The following RUNX3 variants were observed in gnomAD, a reference collection of about 807,000 sequenced individuals.
The protein encoded by RUNX3 is RUNX family transcription factor 3.
RUNX3 carries 10 observed loss-of-function variants against 27.7 expected under a neutral mutation model. That is an observed-to-expected ratio of 0.36 (90% CI 0.22 to 0.61). RUNX3 has a LOEUF of 0.61. Among genes scored for constraint, RUNX3 ranks in the 20% least tolerant of loss-of-function variants. The pLI, the probability that RUNX3 is intolerant of heterozygous loss-of-function variation, is 0.72. For synonymous variants in RUNX3, 270 were observed against 269.2 expected (o/e 1.00, Z -0.03); for missense variants, 469 against 629.5 (o/e 0.75, Z 2.73).
At chr1:24,932,243 C>T (rs1479360963), upstream of RUNX3, among the ~76,000 whole-genome samples, 1 of 150,856 alleles carries the variant, frequency 6.6e-6, no homozygotes, top group East Asian at 2.0e-4. Flanking sequence ...GGCCCTGGCA[C>T]CTGGCGCAGG....
intron 2 of RUNX3, among the ~76,000 whole-genome samples, chr1:24,951,221 A>T (rs949857039): frequency 3.3e-5 from 5 of 150,838 alleles, no homozygotes; most frequent in East Asian, 1.9e-4. Flanking sequence ...AAAAAAAAAA[A>T]AATAAGGCAG....
chr1:24,931,482 C>A (rs778226694), upstream of RUNX3, among the ~76,000 whole-genome samples: 2 of 152,236 alleles, frequency 1.3e-5, no homozygotes, highest in African/African-American at 2.4e-5. Flanking sequence ...AAGCCACAAT[C>A]ATTCCGAATT....
chr1:24,901,195 T>C lies in RUNX3; in HGVS notation c.*927A>G, dbSNP rs937885011. 6 of 151,728 alleles carry C rather than the reference T, an allele frequency of 4.0e-5. No homozygotes were observed. The highest frequency in any genetic ancestry group is 2.6e-4 in the Admixed American group (4 of 15,240). The allele number at this position is 151,728 out of a possible 1,614,324, so 9.4% of individuals were successfully genotyped here. The stretch of plus-strand genomic sequence containing the variant: ...GACCCAGGGGGGACAGGGACATTGA[T>C]GTCTGACCCAAAATGATCCCTCACC... On this transcript the variant is annotated 3_prime_UTR_variant, in exon 5 of 5. Coordinates refer to ENST00000308873, the MANE Select transcript of RUNX3 (RefSeq NM_004350.3).
chr1:24,912,953 T>C (rs1412768217), intron 3 of RUNX3, among the ~76,000 whole-genome samples: 1 of 152,070 alleles, frequency 6.6e-6, no homozygotes, highest in Non-Finnish European at 1.5e-5. Flanking sequence ...GAGAGGAAGA[T>C]GAGAAGGTCT....
chr1:24,906,716 G>T (rs1367888601), intron 4 of RUNX3, among the ~76,000 whole-genome samples: 1 of 152,354 alleles, frequency 6.6e-6, no homozygotes, highest in East Asian at 1.9e-4. Context: ...CAGGGTGGGA[G>T]ACCTTTCCCA....
chr1:24,942,823 G>A (rs1441470104), intron 2 of RUNX3, among the ~76,000 whole-genome samples: 1 of 152,218 alleles, frequency 6.6e-6, no homozygotes, highest in African/African-American at 2.4e-5. Context: ...CTAATGCCAG[G>A]ACCTGACCCG....
intron 2 of RUNX3, among the ~76,000 whole-genome samples, chr1:24,925,822 T>C (rs1641088342): frequency 6.6e-6 from 1 of 152,056 alleles, no homozygotes; most frequent in Non-Finnish European, 1.5e-5. Flanking sequence ...AGAGCCACAG[T>C]CCCAGCCTCG....
intron 2 of RUNX3, among the ~76,000 whole-genome samples, chr1:24,959,839 G>A (rs926409011): frequency 2.0e-5 from 3 of 152,012 alleles, no homozygotes; most frequent in African/African-American, 7.3e-5. Context: ...AGGAGCTGCC[G>A]GCCAACTCCA....
At position 24,952,272 on chromosome 1, in the gene RUNX3, G is replaced by A. The variant is rs1235468221; in HGVS notation, c.58+12242C>T. On this transcript the variant is annotated intron_variant, in intron 2 of 6. Coordinates refer to the RUNX3 transcript ENST00000338888. The stretch of plus-strand genomic sequence containing the variant: ...ATGGTGGATCCAATAGCTCTCTCTA[G>A]AGCAGCTTTTCCAAAAGTGGACTTT... Among the ~76,000 whole-genome samples the A allele has an allele frequency of 2.0e-5, 3 of 152,118 alleles. No homozygotes were observed. The East Asian group carries it at 5.8e-4, about 29-fold the overall frequency.
intron 2 of RUNX3, among the ~76,000 whole-genome samples, chr1:24,942,807 G>A (rs893976495): frequency 7.2e-5 from 11 of 152,334 alleles, no homozygotes; most frequent in East Asian, 1.9e-4. Flanking sequence ...CAGCATCAGC[G>A]GTGCCCTAAT....
chr1:24,908,918 C>T (rs556986382), intron 3 of RUNX3, among the ~76,000 whole-genome samples: 3 of 152,310 alleles, frequency 2.0e-5, no homozygotes, highest in Non-Finnish European at 4.4e-5. Context: ...AAAATAACTC[C>T]ACCAGGATGC....
In RUNX3 at chr1:24,902,714, G is replaced by T; in HGVS notation, c.704-48C>A. On this transcript the variant is annotated intron_variant, in intron 4 of 4. Transcript: ENST00000308873. This position sits in a 1 kb window ranked among gnomAD's most constrained non-coding sequence, Gnocchi z 9.2. Reference sequence around the variant, plus strand: ...TCAGTTCCAGCTCGAGACAACCCCAGGAGGGCTTCCTGAAGAATGACCTTG... The same window carrying T: ...TCAGTTCCAGCTCGAGACAACCCCATGAGGGCTTCCTGAAGAATGACCTTG... The T allele has an allele frequency of 6.9e-7, 1 of 1,454,386 alleles. No homozygotes were observed. The highest frequency in any genetic ancestry group is 9.2e-7 in the Non-Finnish European group (1 of 1,089,696). The allele number at this position is 1,454,386 out of a possible 1,614,324, so 90.1% of individuals were successfully genotyped here.
Position 24,930,262 on chromosome 1 carries a change from C to T in RUNX3, c.-394G>A. On this transcript the variant is annotated 5_prime_UTR_variant, in exon 1 of 5. Transcript: ENST00000308873. This position sits in a 1 kb window ranked among gnomAD's most constrained non-coding sequence, Gnocchi z 4.1. Reference sequence around the variant, plus strand: ...CGGCCGCAGCCCCAGAACAAATCCTCCAGAATCAAGTGGCGGGGCCGCGGC... The same window carrying T: ...CGGCCGCAGCCCCAGAACAAATCCTTCAGAATCAAGTGGCGGGGCCGCGGC... 1 of 983,432 alleles carries T rather than the reference C, an allele frequency of 1.0e-6. No homozygotes were observed. Among genetic ancestry groups the T allele is most frequent in the Non-Finnish European group, 1.2e-6 (1 of 828,778 alleles). The allele number at this position is 983,432 out of a possible 1,614,324, so 60.9% of individuals were successfully genotyped here.
At chr1:24,944,801 C>T (rs187620773) in intron 2 of RUNX3, among the ~76,000 whole-genome samples, 128 of 152,328 alleles carry the variant, frequency 8.4e-4, no homozygotes, top group African/African-American at 2.9e-3. Flanking sequence ...GAAACAAATT[C>T]TCCACCAGAG....
At chr1:24,931,973 G>C (rs1054183964), upstream of RUNX3, among the ~76,000 whole-genome samples, 8 of 152,244 alleles carry the variant, frequency 5.3e-5, no homozygotes, top group Middle Eastern at 3.2e-3. Flanking sequence ...GATCCAGCCT[G>C]GGCGCTCCCA....
chr1:24,959,855 T>C (rs1483582028), intron 2 of RUNX3, among the ~76,000 whole-genome samples: 3 of 152,092 alleles, frequency 2.0e-5, no homozygotes, highest in Non-Finnish European at 4.4e-5. Context: ...CTCCAACCAC[T>C]GCTAGGGGGA....
At chr1:24,949,942 C>G (rs2124358929) in intron 2 of RUNX3, among the ~76,000 whole-genome samples, 1 of 152,336 alleles carries the variant, frequency 6.6e-6, no homozygotes, top group African/African-American at 2.4e-5. Context: ...ACACTGCAGC[C>G]TCCTCTTTTT....
chr1:24,957,336 TCATCCATCCATCCATCCATCCATC>T (rs72443915), intron 2 of RUNX3, among the ~76,000 whole-genome samples: 4 of 149,786 alleles, frequency 2.7e-5, no homozygotes, highest in African/African-American at 4.9e-5. Context: ...ATTCATTCGT[TCATCCATCCATCCATCCATCCATC>T]CATCCATCCA....
chr1:24,958,678 C>T (rs1416149112), intron 2 of RUNX3, among the ~76,000 whole-genome samples: 1 of 152,206 alleles, frequency 6.6e-6, no homozygotes, highest in African/African-American at 2.4e-5. Context: ...TTCCCTCCAC[C>T]CCTCCCTTCC....
Sources: allele counts gnomAD v4.1 joint callset (sites outside exome capture counted in the v4.1 genomes callset), GRCh38; gene constraint gnomAD v4.1.1; non-coding constraint Gnocchi (gnomAD v3.1); transcripts MANE v1.5; gene names NCBI Gene and HGNC (gene_info 2026-07-23, HGNC 2026-07-21).